REV3L: variants seen among roughly 807,000 people sequenced by gnomAD.
REV3L encodes REV3 like, DNA directed polymerase zeta catalytic subunit.
A neutral mutation model predicts 299.4 loss-of-function variants in REV3L; 69 were observed. The ratio of observed to expected loss-of-function variants is 0.23; its 90% confidence interval spans 0.19 to 0.28. The LOEUF is 0.28. Among genes scored for constraint, REV3L ranks in the 10% least tolerant of loss-of-function variants. The probability of loss-of-function intolerance (pLI) is 1.00; values close to 1 mark genes in which losing one functional copy is unlikely to be tolerated. For missense variants in REV3L, 3,128 were observed against 3,693.8 expected (o/e 0.85, Z 3.97); for synonymous variants, 1,238 against 1,271.4 (o/e 0.97, Z 0.56).
In REV3L at chr6:111,343,932, G is replaced by T. The variant is rs1310878761; in HGVS notation, c.7531C>A (p.Leu2511Ile). The T allele has an allele frequency of 1.9e-6, 3 of 1,579,276 alleles. No homozygotes were observed. In the East Asian group the frequency reaches 6.7e-5, roughly 35 times the overall value. The change falls in exon 21 of 32, where the codon CTA becomes ATA. Residue 2511 changes from leucine (L) to isoleucine (I), a missense_variant. Transcript: ENST00000368802. Reference protein sequence around the residue: ...LSDWFDNKTDLYRWKMVDHYV... With the variant: ...LSDWFDNKTDIYRWKMVDHYV... Reference sequence around the variant, plus strand: ...AGAGTTATAGAACAGTACCTGTATAGATCTGTCTTGTTATCAAACCAGTCT... The same window carrying T: ...AGAGTTATAGAACAGTACCTGTATATATCTGTCTTGTTATCAAACCAGTCT...
At chr6:111,482,425 CG>C (rs1192260043) in intron 1 of REV3L, among the ~76,000 whole-genome samples, 1 of 152,140 alleles carries the variant, frequency 6.6e-6, no homozygotes, top group Non-Finnish European at 1.5e-5. Flanking sequence ...GCCCGCCGTC[CG>C]GGGCGCCCGC....
At chr6:111,439,825 A>C (rs1389036221) in intron 1 of REV3L, among the ~76,000 whole-genome samples, 1 of 152,144 alleles carries the variant, frequency 6.6e-6, no homozygotes, top group Non-Finnish European at 1.5e-5. Flanking sequence ...AATCAATGAG[A>C]TGCACCGAAA....
intron 1 of REV3L, among the ~76,000 whole-genome samples, chr6:111,476,678 T>C (rs1322716630): frequency 1.3e-5 from 2 of 152,208 alleles, no homozygotes; most frequent in East Asian, 3.8e-4. Flanking sequence ...ATGTTACTTT[T>C]CAAAACATTT....
intron 1 of REV3L, among the ~76,000 whole-genome samples, chr6:111,452,804 C>T (rs1056885456): frequency 7.9e-5 from 12 of 151,992 alleles, no homozygotes; most frequent in African/African-American, 2.7e-4. Context: ...CCTCAATAAA[C>T]GTGATTAAAG....
Position 111,304,769 on chromosome 6 carries a change from C to G in REV3L, c.9252+2592G>C, listed in dbSNP as rs113040475. Among the ~76,000 whole-genome samples the G allele has an allele frequency of 7.9e-5, 12 of 152,114 alleles. No homozygotes were observed. In the South Asian group the frequency reaches 8.3e-4, roughly 11 times the overall value. On this transcript the variant is annotated intron_variant, in intron 31 of 31. Coordinates refer to ENST00000368802, the MANE Select transcript of REV3L (RefSeq NM_001372078.1). ...TTTCAACTTTTCCTCTCCTCACCCC[C>G]CTTTTGGAATCCCTAGTGTTCATCA...
rs1780698496 is a variant in REV3L at position 111,380,274 on chromosome 6, C to G, written c.1217-55G>C. 3 of 1,249,316 alleles carry G rather than the reference C, an allele frequency of 2.4e-6. No individual in the cohort carries two copies. The East Asian group carries it at 7.1e-5, about 29-fold the overall frequency. 77.4% of individuals were successfully genotyped at this position (1,249,316 alleles called of 1,614,324 possible). On this transcript the variant is annotated intron_variant, in intron 10 of 31. Coordinates refer to ENST00000368802, the MANE Select transcript of REV3L (RefSeq NM_001372078.1). ...AATAAGTTTTCTTTTTTTTTTTTGACACGGAGTCTTGCTCTCTCACCCAGG... is the reference window on the plus strand; with the variant it reads ...AATAAGTTTTCTTTTTTTTTTTTGAGACGGAGTCTTGCTCTCTCACCCAGG...
At chr6:111,320,267 A>G (rs928148740) in intron 26 of REV3L, among the ~76,000 whole-genome samples, 2 of 151,900 alleles carry the variant, frequency 1.3e-5, no homozygotes, top group Non-Finnish European at 1.5e-5. Flanking sequence ...GGCGTTCTCC[A>G]TATGGTCAGG....
At chr6:111,472,439 C>T (rs1562366927) in intron 1 of REV3L, among the ~76,000 whole-genome samples, 1 of 151,930 alleles carries the variant, frequency 6.6e-6, no homozygotes, top group Non-Finnish European at 1.5e-5. Context: ...AGGTAACACT[C>T]TTTTATTATT....
intron 1 of REV3L, among the ~76,000 whole-genome samples, chr6:111,459,811 T>C (rs1305661899): frequency 6.6e-6 from 1 of 152,162 alleles, no homozygotes; most frequent in Non-Finnish European, 1.5e-5. Flanking sequence ...ACCTTTACGC[T>C]GTTGGTGGGA....
chr6:111,354,333 CTTTT>C (rs1325134543), intron 18 of REV3L: 3 of 151,736 alleles, frequency 2.0e-5, no homozygotes, highest in African/African-American at 7.3e-5. Context: ...GCTACGTACA[CTTTT>C]TTTAAAAAAA....
At chr6:111,400,357 T>C (rs1782959800) in intron 4 of REV3L, among the ~76,000 whole-genome samples, 2 of 152,338 alleles carry the variant, frequency 1.3e-5, no homozygotes, top group South Asian at 2.1e-4. Flanking sequence ...CAGCAAAGAA[T>C]GTCAGCGCTG....
intron 14 of REV3L, 46 bp from the exon 15 acceptor site, chr6:111,365,390 G>A: frequency 8.7e-7 from 1 of 1,154,862 alleles, no homozygotes; most frequent in South Asian, 1.5e-5. Flanking sequence ...AAAATTACCT[G>A]CTTCTGGTTT....
Position 111,309,834 on chromosome 6 carries a change from T to C in REV3L, c.9042+19A>G. 1.2e-6 allele frequency: 2 copies of C among 1,610,430 alleles called. No individual in the cohort carries two copies. The highest frequency in any genetic ancestry group is 1.7e-6 in the Non-Finnish European group (2 of 1,178,076). On this transcript the variant is annotated intron_variant, in intron 30 of 31. Transcript: ENST00000368802. ...AATCTCTCCATAGTTAGAGCACATG[T>C]ACTATTTGGTAAGCTTACCCTTGGT...
intron 1 of REV3L, among the ~76,000 whole-genome samples, chr6:111,450,778 A>C (rs759765499): frequency 2.0e-5 from 3 of 152,050 alleles, no homozygotes; most frequent in Admixed American, 1.3e-4. Context: ...TTTGTAAATC[A>C]CTCTAACGTC....
At chr6:111,389,727 ATTTTTTTTTT>A (rs10713895) in intron 6 of REV3L, among the ~76,000 whole-genome samples, 26 of 81,336 alleles carry the variant, frequency 3.2e-4, no homozygotes, top group Admixed American at 1.2e-3. Flanking sequence ...TTGGTCATTA[ATTTTTTTTTT>A]TTTTTTTTTT....
rs1161899375 is a variant in REV3L at position 111,380,033 on chromosome 6, A to C, written c.1403T>G (p.Val468Gly). 8 of 1,613,968 alleles carry C rather than the reference A, an allele frequency of 5.0e-6. No individual in the cohort carries two copies. The highest frequency in any genetic ancestry group is 6.8e-6 in the Non-Finnish European group (8 of 1,179,996). Reference protein sequence around the residue: ...IEKEEMELSLVMSQRWDSNIE... With the variant: ...IEKEEMELSLGMSQRWDSNIE... ...ATTGCTGTCCCATCTCTGGGACATC[A>C]CCAAACTAAGCTCCATTTCCTCTTT... The change falls in exon 11 of 32, where the codon GTG becomes GGG. Residue 468 changes from valine to glycine, a missense_variant. Val to Gly is a moderately radical substitution (Grantham distance 109). This residue lies in a region of REV3L where 2,409 missense variants were observed against 2,611.8 expected (regional missense o/e 0.92). Coordinates refer to ENST00000368802, the MANE Select transcript of REV3L (RefSeq NM_001372078.1).
intron 1 of REV3L, among the ~76,000 whole-genome samples, chr6:111,422,611 TAC>T (rs372804101): frequency 0.39 from 10,568 of 27,138 alleles, 2,641 homozygotes; most frequent in African/African-American, 0.56. Context: ...TATATATATA[TAC>T]ACATATATAT....
chr6:111,376,113 A>G lies in REV3L; in HGVS notation c.2242T>C (p.Ser748Pro). 5 of 1,613,342 alleles carry G rather than the reference A, an allele frequency of 3.1e-6. No individual in the cohort carries two copies. The highest frequency in any genetic ancestry group is 4.2e-6 in the Non-Finnish European group (5 of 1,179,948). Residue 748 changes from serine to proline, a missense_variant, in exon 13 of 32, where the codon TCA becomes CCA. Coordinates refer to ENST00000368802, the MANE Select transcript of REV3L (RefSeq NM_001372078.1). Reference protein sequence around the residue: ...SSFTENCELLSCSGENRTMVH... With the variant: ...SSFTENCELLPCSGENRTMVH... Reference sequence around the variant, plus strand: ...ATAGTTCTATTCTCCCCTGAGCATGACAGTAATTCACAATTTTCAGTAAAT... The same window carrying G: ...ATAGTTCTATTCTCCCCTGAGCATGGCAGTAATTCACAATTTTCAGTAAAT...
chr6:111,435,768 G>T (rs899181195), intron 1 of REV3L, among the ~76,000 whole-genome samples: 4 of 152,046 alleles, frequency 2.6e-5, no homozygotes, highest in African/African-American at 9.7e-5. Flanking sequence ...AGATTTTTTT[G>T]GGTAAGACCT....
Sources: allele counts gnomAD v4.1 joint callset (sites outside exome capture counted in the v4.1 genomes callset), GRCh38; gene constraint gnomAD v4.1.1; regional missense constraint gnomAD v4.1.1; transcripts MANE v1.5; gene names NCBI Gene and HGNC (gene_info 2026-07-23, HGNC 2026-07-21).